The following RASSF8 variants were observed in gnomAD, a reference collection of about 807,000 sequenced individuals.
The protein encoded by RASSF8 is ras association domain-containing protein 8.
Under a neutral mutation model 48.5 loss-of-function variants are expected in RASSF8, and 22 were observed. The observed-to-expected ratio is 0.45, with a 90% CI of 0.32 to 0.65. The LOEUF (loss-of-function observed/expected upper bound fraction) is 0.65. Ranked by LOEUF, RASSF8 falls within the 30% of genes least tolerant of loss-of-function variation. The pLI is 0.03. For synonymous variants in RASSF8, 127 were observed against 171.5 expected (o/e 0.74, Z 2.03); for missense variants, 418 against 489.2 (o/e 0.85, Z 1.37).
chr12:26,019,452 A>G (rs1942733500), intron 2 of RASSF8, among the ~76,000 whole-genome samples: 1 of 152,218 alleles, frequency 6.6e-6, no homozygotes, highest in African/African-American at 2.4e-5. Flanking sequence ...CATTACAGCC[A>G]TTAAAATAAC....
chr12:26,073,663 C>G (rs978104688), downstream of RASSF8, among the ~76,000 whole-genome samples: 1 of 151,540 alleles, frequency 6.6e-6, no homozygotes, highest in Non-Finnish European at 1.5e-5. Flanking sequence ...CACTTGAACC[C>G]GGGAGGCGGA....
At chr12:26,049,446 A>G (rs1028394658) in intron 2 of RASSF8, among the ~76,000 whole-genome samples, 6 of 152,210 alleles carry the variant, frequency 3.9e-5, no homozygotes, top group African/African-American at 1.2e-4. Flanking sequence ...ACTTTAATTG[A>G]CTGGCAAAAA....
intron 2 of RASSF8, among the ~76,000 whole-genome samples, chr12:26,045,932 T>A (rs1943364137): frequency 6.6e-6 from 1 of 152,180 alleles, no homozygotes; most frequent in African/African-American, 2.4e-5. Context: ...AAGTCCCTAA[T>A]CAGGTGGCCC....
At chr12:25,989,002 A>G (rs1941953061) in intron 1 of RASSF8, among the ~76,000 whole-genome samples, 1 of 152,204 alleles carries the variant, frequency 6.6e-6, no homozygotes, top group African/African-American at 2.4e-5. Flanking sequence ...TCTGAGGGGT[A>G]TGCCTATCTT....
chr12:26,035,920 G>T (rs1943140923), intron 2 of RASSF8, among the ~76,000 whole-genome samples: 1 of 142,670 alleles, frequency 7.0e-6, no homozygotes, highest in Non-Finnish European at 1.5e-5. Context: ...TCATATATAT[G>T]ATATATATCA....
At chr12:26,030,218 T>G (rs974273136) in intron 2 of RASSF8, among the ~76,000 whole-genome samples, 1 of 147,022 alleles carries the variant, frequency 6.8e-6, no homozygotes, top group Admixed American at 6.7e-5. Context: ...TCTTAGTAGG[T>G]TTTTTTCCCC....
exon 6 of RASSF8, chr12:26,079,316 G>A: frequency 3.1e-6 from 1 of 320,938 alleles, no homozygotes; most frequent in Non-Finnish European, 5.7e-6. Context: ...TGGGCATGGT[G>A]GCTCACGCCT....
chr12:26,005,003 A>G (rs1160725351), intron 2 of RASSF8, among the ~76,000 whole-genome samples: 1 of 152,196 alleles, frequency 6.6e-6, no homozygotes, highest in South Asian at 2.1e-4. Context: ...AAAGTTAAAA[A>G]AAAATGGAAG....
At chr12:26,013,108 G>C (rs767195626) in intron 2 of RASSF8, among the ~76,000 whole-genome samples, 18 of 152,228 alleles carry the variant, frequency 1.2e-4, no homozygotes, top group Admixed American at 2.0e-4. Flanking sequence ...CATGTAATCA[G>C]CAGCATGTTT....
chr12:26,064,058 G>A (rs1050747349), intron 3 of RASSF8, among the ~76,000 whole-genome samples: 2 of 152,146 alleles, frequency 1.3e-5, no homozygotes, highest in African/African-American at 4.8e-5. Context: ...AAAGCCGAGG[G>A]ATTTCCACAG....
chr12:25,963,486 T>C (rs1028423677), intron 1 of RASSF8, among the ~76,000 whole-genome samples: 1 of 152,248 alleles, frequency 6.6e-6, no homozygotes, highest in Admixed American at 6.5e-5. Context: ...CTCTACTTCT[T>C]ACATAATTCT....
intron 2 of RASSF8, among the ~76,000 whole-genome samples, chr12:26,012,686 T>C (rs1008984722): frequency 1.3e-5 from 2 of 149,994 alleles, no homozygotes; most frequent in African/African-American, 4.9e-5. Flanking sequence ...TTTTTTCTTT[T>C]TTTTTTTTTT....
intron 2 of RASSF8, among the ~76,000 whole-genome samples, chr12:26,035,985 C>T (rs1341959692): frequency 6.8e-6 from 1 of 147,048 alleles, no homozygotes; most frequent in Non-Finnish European, 1.5e-5. Flanking sequence ...ATATATAAAG[C>T]CATCCATGAT....
chr12:25,992,547 A>G (rs951212519), intron 1 of RASSF8, among the ~76,000 whole-genome samples: 13 of 152,166 alleles, frequency 8.5e-5, no homozygotes. Flanking sequence ...TGATGAGATC[A>G]TATTTGAGTG....
intron 1 of RASSF8, among the ~76,000 whole-genome samples, chr12:25,983,777 G>T (rs937224641): frequency 1.3e-5 from 2 of 152,138 alleles, no homozygotes; most frequent in Non-Finnish European, 2.9e-5. Flanking sequence ...GTGGATTACC[G>T]TAGGACAGGG....
Position 26,035,487 on chromosome 12 carries a change from T to G in RASSF8, c.-108-19749T>G, listed in dbSNP as rs1039541818. ...ATAATTATATTATATAATTATATAATTATATGAAATTATATAATTATATAA... is the reference window on the plus strand; with the variant it reads ...ATAATTATATTATATAATTATATAAGTATATGAAATTATATAATTATATAA... On this transcript the variant is annotated intron_variant, in intron 2 of 5. Transcript: ENST00000689635. Among the ~76,000 whole-genome samples, 282 of 120,054 alleles carry G rather than the reference T, an allele frequency of 2.3e-3. 2 individuals are homozygous for G. Among genetic ancestry groups the G allele is most frequent in the African/African-American group, 7.5e-3 (264 of 35,034 alleles). The allele number at this position is 120,054 out of a possible 152,430, so 78.8% of individuals were successfully genotyped here.
downstream of RASSF8, among the ~76,000 whole-genome samples, chr12:26,073,562 C>G (rs1944037315): frequency 6.6e-6 from 1 of 151,212 alleles, no homozygotes; most frequent in African/African-American, 2.4e-5. Context: ...CGTGGCGAAA[C>G]CCCGTCTGTA....
chr12:25,959,586 T>A (rs573156972), intron 1 of RASSF8: 2 of 152,376 alleles, frequency 1.3e-5, no homozygotes, highest in African/African-American at 4.8e-5. Flanking sequence ...TATAGGTTTT[T>A]AAATTTCATT....
intron 1 of RASSF8, among the ~76,000 whole-genome samples, chr12:25,970,553 C>T (rs1204392964): frequency 6.6e-6 from 1 of 152,182 alleles, no homozygotes; most frequent in Non-Finnish European, 1.5e-5. Flanking sequence ...GTCTCCCCGC[C>T]TGAAACCCAT....
Sources: gnomAD v4.1 joint callset for allele counts (sites outside exome capture counted in the v4.1 genomes callset) on GRCh38, gnomAD v4.1.1 for gene constraint, MANE v1.5 for transcripts, NCBI Gene and HGNC (gene_info 2026-07-23, HGNC 2026-07-21) for gene names.